The following NTN1 variants were observed in gnomAD, a reference collection of about 807,000 sequenced individuals.
The protein encoded by NTN1 is netrin 1.
In NTN1, 11 loss-of-function variants were observed where a neutral mutation model predicts 54.2. That is an observed-to-expected ratio of 0.20 (90% CI 0.13 to 0.34). NTN1 has a LOEUF of 0.34. Ranked by LOEUF, NTN1 falls within the 10% of genes least tolerant of loss-of-function variation. NTN1 has a pLI of 1.00. For synonymous variants in NTN1, 371 were observed against 382.0 expected (o/e 0.97, Z 0.33); for missense variants, 740 against 893.1 (o/e 0.83, Z 2.18).
intron 2 of NTN1, among the ~76,000 whole-genome samples, chr17:9,029,376 G>T (rs1472845767): frequency 1.3e-5 from 2 of 152,182 alleles, no homozygotes; most frequent in Non-Finnish European, 2.9e-5. Flanking sequence ...AGTCTGCAGG[G>T]CACGTCTCGG....
At chr17:9,048,444 T>C (rs1390998396) in intron 2 of NTN1, among the ~76,000 whole-genome samples, 1 of 152,116 alleles carries the variant, frequency 6.6e-6, no homozygotes, top group Non-Finnish European at 1.5e-5. Flanking sequence ...GGCAGAGTGG[T>C]TTTAGCCAAA....
chr17:9,170,021 T>G (rs2092383367), intron 3 of NTN1, among the ~76,000 whole-genome samples: 2 of 152,306 alleles, frequency 1.3e-5, no homozygotes, highest in South Asian at 4.1e-4. Context: ...TAGTGTCTTT[T>G]GGGCTTTTTG....
intron 3 of NTN1, among the ~76,000 whole-genome samples, chr17:9,179,384 G>A (rs2092411081): frequency 6.6e-6 from 1 of 152,154 alleles, no homozygotes; most frequent in South Asian, 2.1e-4. Context: ...AAGAAAACTT[G>A]GGGGCAGGGA....
At chr17:9,235,897 G>A (rs576052779) in intron 6 of NTN1, among the ~76,000 whole-genome samples, 7 of 152,052 alleles carry the variant, frequency 4.6e-5, no homozygotes, top group South Asian at 4.2e-4. Flanking sequence ...GACTACAGGC[G>A]TCCACTGCCA....
intron 2 of NTN1, among the ~76,000 whole-genome samples, chr17:9,041,329 G>A (rs952522751): frequency 6.6e-6 from 1 of 152,114 alleles, no homozygotes; most frequent in Non-Finnish European, 1.5e-5. Flanking sequence ...AGCTTTCTAC[G>A]AATTAGCAGT....
intron 2 of NTN1, among the ~76,000 whole-genome samples, chr17:9,036,395 T>A: frequency 7.1e-6 from 1 of 140,098 alleles, no homozygotes; most frequent in East Asian, 2.1e-4. Flanking sequence ...TTTTTTTTTT[T>A]TTTTTTTTTT....
intron 2 of NTN1, among the ~76,000 whole-genome samples, chr17:9,113,091 T>G (rs1279062514): frequency 6.6e-6 from 1 of 151,010 alleles, no homozygotes; most frequent in East Asian, 2.0e-4. Context: ...TGGCACAATC[T>G]TGGTTCACTG....
rs1276531138 is a variant in NTN1, at chr17:9,023,333, C to A, written c.960C>A (p.Pro320=). ...TAGPECDRCK[P]FHYDRPWQRA... ...GCCCGGAGTGCGACCGCTGCAAGCC[C>A]TTCCACTACGACCGGCCCTGGCAGC... is the stretch of plus-strand genomic sequence containing the variant. Residue 320 remains proline (P), a synonymous_variant, in exon 2 of 7, where the codon CCC becomes CCA. Coordinates refer to ENST00000173229, the MANE Select transcript of NTN1 (RefSeq NM_004822.3). 2.0e-6 allele frequency: 3 copies of A among 1,522,292 alleles called. No homozygotes were observed. Among genetic ancestry groups the A allele is most frequent in the Non-Finnish European group, 2.6e-6 (3 of 1,134,652 alleles). The allele number at this position is 1,522,292 out of a possible 1,614,324, so 94.3% of individuals were successfully genotyped here.
At chr17:9,092,413 G>A (rs1265994929) in intron 2 of NTN1, among the ~76,000 whole-genome samples, 5 of 136,790 alleles carry the variant, frequency 3.7e-5, no homozygotes, top group Non-Finnish European at 3.0e-5. Context: ...TCAGCCTCCC[G>A]AGTAGCTGGT....
intron 6 of NTN1, among the ~76,000 whole-genome samples, chr17:9,228,846 G>GTGTA (rs1330610045): frequency 7.7e-6 from 1 of 129,750 alleles, no homozygotes; most frequent in East Asian, 2.2e-4. Context: ...GTGTGTGTGT[G>GTGTA]TGTGTGACTG....
chr17:9,162,451 GTC>G (rs141599299), intron 2 of NTN1, among the ~76,000 whole-genome samples: 1 of 152,278 alleles, frequency 6.6e-6, no homozygotes, highest in South Asian at 2.1e-4. Context: ...GCGTCCCTGC[GTC>G]TCTCTGTGTC....
intron 3 of NTN1, among the ~76,000 whole-genome samples, chr17:9,166,695 A>G (rs909613353): frequency 3.9e-5 from 6 of 152,180 alleles, no homozygotes; most frequent in African/African-American, 1.2e-4. Context: ...ATAGGCCTTC[A>G]GGTGAGAGCT....
chr17:9,151,810 G>A (rs949371183), intron 2 of NTN1, among the ~76,000 whole-genome samples: 2 of 152,136 alleles, frequency 1.3e-5, no homozygotes, highest in Non-Finnish European at 2.9e-5. Context: ...TCTTACAAGA[G>A]GATTGTAAAA....
At chr17:9,020,998 C>T (rs1024638571), upstream of NTN1, among the ~76,000 whole-genome samples, 6 of 152,224 alleles carry the variant, frequency 3.9e-5, no homozygotes, top group East Asian at 1.2e-3. Context: ...CTCACGCTCC[C>T]GGGCTGCGTG....
intron 5 of NTN1, among the ~76,000 whole-genome samples, chr17:9,207,976 G>A (rs1905010110): frequency 6.6e-6 from 1 of 152,222 alleles, no homozygotes; most frequent in South Asian, 2.1e-4. Context: ...GCTCACGCCT[G>A]TAATCCCGGC....
rs146833500 is a variant in NTN1, at chr17:9,210,688, C to T, written c.1412-10480C>T. 3.8e-3 allele frequency among the ~76,000 whole-genome samples: 571 copies of T among 152,170 alleles called. 1 individual carries two copies. Among genetic ancestry groups the T allele is most frequent in the Non-Finnish European group, 6.9e-3 (469 of 68,000 alleles). Reference sequence around the variant, plus strand: ...TTGGGAGGCCGAGGCAAGCGGATCACCTGAGCTCAGGAGTTCAAGACCAAC... The same window carrying T: ...TTGGGAGGCCGAGGCAAGCGGATCATCTGAGCTCAGGAGTTCAAGACCAAC... On this transcript the variant is annotated intron_variant, in intron 5 of 6. Transcript: ENST00000173229.
intron 2 of NTN1, among the ~76,000 whole-genome samples, chr17:9,054,020 C>T (rs991119665): frequency 6.6e-6 from 1 of 152,186 alleles, no homozygotes; most frequent in African/African-American, 2.4e-5. Context: ...TCACGTTTGC[C>T]TTGGCAGGGA....
chr17:9,189,203 C>T (rs1004949233), intron 5 of NTN1, among the ~76,000 whole-genome samples: 37 of 152,150 alleles, frequency 2.4e-4, no homozygotes, highest in African/African-American at 7.5e-4. Context: ...TGTCATCTCC[C>T]CCCGACCCCT....
chr17:9,070,929 CAA>C (rs1281528859), intron 2 of NTN1, among the ~76,000 whole-genome samples: 4 of 151,826 alleles, frequency 2.6e-5, no homozygotes, highest in Non-Finnish European at 5.9e-5. Flanking sequence ...CTTTGTGGAG[CAA>C]AGTCATCATT....
Sources: gnomAD v4.1 joint callset for allele counts (sites outside exome capture counted in the v4.1 genomes callset) on GRCh38, gnomAD v4.1.1 for gene constraint, MANE v1.5 for transcripts, NCBI Gene and HGNC (gene_info 2026-07-23, HGNC 2026-07-21) for gene names.